The following TFAP2B variants were observed in gnomAD, a reference collection of about 807,000 sequenced individuals.
TFAP2B encodes transcription factor AP-2 beta, also known as transcription factor AP-2-beta.
TFAP2B carries 9 observed loss-of-function variants against 44.3 expected under a neutral mutation model. That is an observed-to-expected ratio of 0.20 (90% confidence interval 0.12 to 0.35). The LOEUF (loss-of-function observed/expected upper bound fraction) is 0.35, where lower values mean the gene tolerates loss of function less well. Ranked by LOEUF, TFAP2B falls within the 10% of genes least tolerant of loss-of-function variation. The pLI, the probability that TFAP2B is intolerant of heterozygous loss-of-function variation, is 1.00. For missense variants in TFAP2B, 509 were observed against 600.0 expected, an observed-to-expected ratio of 0.85 and a Z score of 1.59; for synonymous variants, 270 against 263.8, an observed-to-expected ratio of 1.02 and a Z score of -0.23.
At chr6:50,836,034 T>C (rs1762614176) in intron 3 of TFAP2B, 27 bp from the exon 4 acceptor site, 3 of 1,596,920 alleles carry the variant, frequency 1.9e-6, no homozygotes, top group Non-Finnish European at 2.6e-6. Context: ...TTGGTCACCT[T>C]TATGGCAATT....
At position 50,843,225 on chromosome 6, in the gene TFAP2B, G is replaced by A; in HGVS notation, c.1216G>A (p.Gly406Ser). 6.2e-7 allele frequency: 1 copy of A among 1,614,132 alleles called. No individual in the cohort carries two copies. Among genetic ancestry groups the A allele is most frequent in the Non-Finnish European group, 8.5e-7 (1 of 1,180,024 alleles). ...THFSLITHGF[G>S]APAICAALTA... Reference sequence around the variant, plus strand: ...CTTCAGCCTCATCACGCACGGCTTCGGCGCCCCGGCCATTTGCGCCGCGCT... The same window carrying A: ...CTTCAGCCTCATCACGCACGGCTTCAGCGCCCCGGCCATTTGCGCCGCGCT... The change falls in exon 7 of 7, where the codon GGC becomes AGC. Residue 406 changes from glycine (G) to serine (S), a missense_variant. This residue lies in a region of TFAP2B where 168 missense variants were observed against 183.2 expected (regional missense o/e 0.92). Transcript: ENST00000393655.
intron 3 of TFAP2B, among the ~76,000 whole-genome samples, chr6:50,829,168 T>A (rs191545053): frequency 6.6e-6 from 1 of 152,206 alleles, no homozygotes; most frequent in South Asian, 2.1e-4. Flanking sequence ...TATTTTTTCA[T>A]TGTGCCAAAT....
intron 3 of TFAP2B, among the ~76,000 whole-genome samples, chr6:50,832,381 A>G (rs961919892): frequency 2.0e-5 from 3 of 152,226 alleles, no homozygotes; most frequent in African/African-American, 4.8e-5. Context: ...TCCCTATAAG[A>G]TGCCAATACT....
intron 2 of TFAP2B, among the ~76,000 whole-genome samples, chr6:50,828,080 C>A (rs186933989): frequency 6.6e-6 from 1 of 152,158 alleles, no homozygotes; most frequent in Non-Finnish European, 1.5e-5. Flanking sequence ...TTTACAGGAA[C>A]GTGTATGGGC....
chr6:50,840,884 T>A (rs1762713162), intron 6 of TFAP2B, among the ~76,000 whole-genome samples: 1 of 152,274 alleles, frequency 6.6e-6, no homozygotes, highest in South Asian at 2.1e-4. Context: ...TGTCTTTGGC[T>A]TCGGTGTCAT....
At chr6:50,819,371 G>A (rs1163601871) in intron 1 of TFAP2B, among the ~76,000 whole-genome samples, 1 of 151,660 alleles carries the variant, frequency 6.6e-6, no homozygotes, top group Non-Finnish European at 1.5e-5. Flanking sequence ...GGGTTTTCAA[G>A]CCTCATTTGT....
chr6:50,822,282 C>T lies in TFAP2B; in HGVS notation c.82-1125C>T, dbSNP rs184432933. On this transcript the variant is annotated intron_variant, in intron 1 of 6. Transcript: ENST00000393655. ...CTGTCTCTCTCTGTCTTCCTTTGAGCGCCTTTGGCTTGGTAATTTAGCACC... is the reference window on the plus strand; with the variant it reads ...CTGTCTCTCTCTGTCTTCCTTTGAGTGCCTTTGGCTTGGTAATTTAGCACC... 56 of 891,884 alleles carry T rather than the reference C, an allele frequency of 6.3e-5. 2 individuals carry two copies. The highest frequency in any genetic ancestry group is 5.2e-4 in the Middle Eastern group (2 of 3,882). 55.2% of individuals were successfully genotyped at this position (891,884 alleles called of 1,614,324 possible).
intron 1 of TFAP2B, among the ~76,000 whole-genome samples, chr6:50,823,138 A>G (rs1399811456): frequency 2.0e-4 from 30 of 152,058 alleles, no homozygotes; most frequent in Admixed American, 2.0e-3. Context: ...CTAAAATGTT[A>G]TAGTTAAGTG....
At chr6:50,818,445 G>T (rs751093721), upstream of TFAP2B, among the ~76,000 whole-genome samples, 22 of 152,146 alleles carry the variant, frequency 1.4e-4, no homozygotes, top group Admixed American at 6.5e-5. Context: ...ATAGAAAATA[G>T]GGGACTGATG....
intron 1 of TFAP2B, among the ~76,000 whole-genome samples, chr6:50,821,612 T>C (rs1770348595): frequency 6.6e-6 from 1 of 152,098 alleles, no homozygotes; most frequent in Admixed American, 6.5e-5. Context: ...TGCTAAACTT[T>C]TTCCCCAGTC....
chr6:50,842,008 G>A (rs1762742929), intron 6 of TFAP2B, among the ~76,000 whole-genome samples: 2 of 152,212 alleles, frequency 1.3e-5, no homozygotes, highest in South Asian at 2.1e-4. Flanking sequence ...CACCTGCCCT[G>A]TTTACCTGTT....
intron 1 of TFAP2B, 126 bp from the exon 2 acceptor site, chr6:50,823,281 C>T (rs1770406054): frequency 2.3e-6 from 2 of 856,478 alleles, no homozygotes; most frequent in South Asian, 1.4e-5. Context: ...GTACAAAAGC[C>T]GGGCTTCTCC....
At chr6:50,825,569 T>C (rs1217188343) in intron 2 of TFAP2B, among the ~76,000 whole-genome samples, 2 of 152,132 alleles carry the variant, frequency 1.3e-5, no homozygotes, top group African/African-American at 4.8e-5. Context: ...TTGTGTTTGG[T>C]GAAATTCAAA....
At chr6:50,823,371 C>T in intron 1 of TFAP2B, 36 bp from the exon 2 acceptor site, 2 of 1,523,826 alleles carry the variant, frequency 1.3e-6, no homozygotes, top group Non-Finnish European at 1.8e-6. Flanking sequence ...CTGTCTCCTT[C>T]TCTGGCTCTC....
intron 5 of TFAP2B, among the ~76,000 whole-genome samples, chr6:50,839,949 G>C (rs570059667): frequency 6.6e-6 from 1 of 152,140 alleles, no homozygotes; most frequent in Non-Finnish European, 1.5e-5. Context: ...GGGAGAGGCA[G>C]GAAAAAGAGA....
chr6:50,837,516 A>G (rs944991335), intron 4 of TFAP2B, among the ~76,000 whole-genome samples: 10 of 152,176 alleles, frequency 6.6e-5, no homozygotes, highest in African/African-American at 1.9e-4. Flanking sequence ...CACCATATAC[A>G]GCAACTCTTG....
At chr6:50,826,666 G>A (rs1403804899) in intron 2 of TFAP2B, among the ~76,000 whole-genome samples, 2 of 151,752 alleles carry the variant, frequency 1.3e-5, no homozygotes, top group African/African-American at 4.8e-5. Context: ...AGAGACAGAG[G>A]GAGTGAAAGG....
rs184435898 is a variant in TFAP2B, at chr6:50,841,651, T to G, written c.1082+1354T>G. On this transcript the variant is annotated intron_variant, in intron 6 of 6. Coordinates refer to ENST00000393655, the MANE Select transcript of TFAP2B (RefSeq NM_003221.4). ...TCAGCTGGTGAGCTTTTTCAAGATA[T>G]TTCTGTATGGGGCTATCCTCAAATC... Among the ~76,000 whole-genome samples, 93 of 152,240 alleles carry G rather than the reference T, an allele frequency of 6.1e-4. 1 individual carries two copies. In the East Asian group the frequency reaches 0.016, roughly 26 times the overall value.
rs927261560 is a variant in TFAP2B, at chr6:50,844,357, G to T, written c.*965G>T. Reference sequence around the variant, plus strand: ...ATTAGTATGTAATTCCTTCGGAGGGGTATGTACCATTTCATTCTCTTCTGT... The same window carrying T: ...ATTAGTATGTAATTCCTTCGGAGGGTTATGTACCATTTCATTCTCTTCTGT... On this transcript the variant is annotated 3_prime_UTR_variant, in exon 7 of 7. Coordinates refer to ENST00000393655, the MANE Select transcript of TFAP2B (RefSeq NM_003221.4). 6 of 151,912 alleles carry T rather than the reference G, an allele frequency of 3.9e-5. No homozygotes were observed. Among genetic ancestry groups the T allele is most frequent in the African/African-American group, 1.5e-4 (6 of 41,232 alleles). The allele number at this position is 151,912 out of a possible 1,614,324, so 9.4% of individuals were successfully genotyped here.
Sources: allele counts gnomAD v4.1 joint callset (sites outside exome capture counted in the v4.1 genomes callset), GRCh38; gene constraint gnomAD v4.1.1; regional missense constraint gnomAD v4.1.1; transcripts MANE v1.5; gene names NCBI Gene and HGNC (gene_info 2026-07-23, HGNC 2026-07-21).